LRP1B: variants seen among roughly 807,000 people sequenced by gnomAD.
The protein encoded by LRP1B is LDL receptor related protein 1B.
Under a neutral mutation model 556.6 loss-of-function variants are expected in LRP1B, and 217 were observed. The ratio of observed to expected loss-of-function variants is 0.39; its 90% CI spans 0.35 to 0.44. The LOEUF (loss-of-function observed/expected upper bound fraction) is 0.44, where lower values mean the gene tolerates loss of function less well. LRP1B is among the 20% of genes least tolerant of loss of function. The pLI is 1.00. For missense variants in LRP1B, 5,053 were observed against 5,620.8 expected (o/e 0.90, Z 3.23); for synonymous variants, 2,047 against 1,865.8 (o/e 1.10, Z -2.50).
At chr2:141,958,598 T>A (rs1053063559) in intron 1 of LRP1B, among the ~76,000 whole-genome samples, 2 of 152,036 alleles carry the variant, frequency 1.3e-5, no homozygotes, top group Non-Finnish European at 2.9e-5. Flanking sequence ...AAGAATATAA[T>A]TGTTCTGTGA....
At chr2:142,016,922 A>G (rs371431428) in intron 1 of LRP1B, among the ~76,000 whole-genome samples, 3 of 71,340 alleles carry the variant, frequency 4.2e-5, no homozygotes, top group Non-Finnish European at 7.9e-5. Flanking sequence ...ATATATGTAT[A>G]TGTATGTATA....
At chr2:140,399,220 GGATATTT>G (rs1684390553) in intron 66 of LRP1B, among the ~76,000 whole-genome samples, 1 of 136,184 alleles carries the variant, frequency 7.3e-6, no homozygotes, top group South Asian at 2.2e-4. Context: ...TAGATTTTCA[GGATATTT>G]GATATTTTTA....
At chr2:141,168,204 G>A (rs950328865) in intron 7 of LRP1B, among the ~76,000 whole-genome samples, 1 of 151,994 alleles carries the variant, frequency 6.6e-6, no homozygotes, top group Non-Finnish European at 1.5e-5. Context: ...GCTAGTCTAT[G>A]TTTCAGCAAT....
chr2:141,303,915 C>G (rs1485446733), intron 3 of LRP1B, among the ~76,000 whole-genome samples: 1 of 152,088 alleles, frequency 6.6e-6, no homozygotes, highest in African/African-American at 2.4e-5. Context: ...ACATGCTTAC[C>G]AACATCTTTT....
At chr2:140,796,730 T>C (rs1357583953) in intron 32 of LRP1B, among the ~76,000 whole-genome samples, 1 of 152,110 alleles carries the variant, frequency 6.6e-6, no homozygotes, top group South Asian at 2.1e-4. Context: ...TTGAAAAGTA[T>C]GATTTGAAAG....
chr2:141,027,237 T>C (rs1305762475), intron 11 of LRP1B, among the ~76,000 whole-genome samples: 1 of 152,120 alleles, frequency 6.6e-6, no homozygotes, highest in Non-Finnish European at 1.5e-5. Flanking sequence ...TTTTCAGATT[T>C]CTCCACTTTG....
intron 41 of LRP1B, among the ~76,000 whole-genome samples, chr2:140,632,408 A>G (rs1683919177): frequency 6.6e-6 from 1 of 152,166 alleles, no homozygotes; most frequent in African/African-American, 2.4e-5. Context: ...AAACTGTACT[A>G]CTCATGAAGT....
intron 3 of LRP1B, among the ~76,000 whole-genome samples, chr2:141,418,288 T>C (rs1679994530): frequency 6.6e-6 from 1 of 152,174 alleles, no homozygotes; most frequent in Admixed American, 6.5e-5. Context: ...GTGCTTTTGG[T>C]ATTATATTCA....
At chr2:140,635,144 C>T (rs1239788405) in intron 41 of LRP1B, among the ~76,000 whole-genome samples, 1 of 151,882 alleles carries the variant, frequency 6.6e-6, no homozygotes, top group Non-Finnish European at 1.5e-5. Context: ...ATAGTGTTAT[C>T]ATTTCCTATT....
intron 66 of LRP1B, among the ~76,000 whole-genome samples, chr2:140,391,519 T>A (rs1173796948): frequency 1.3e-5 from 2 of 152,190 alleles, no homozygotes; most frequent in African/African-American, 4.8e-5. Context: ...TACTTCATTT[T>A]GTTTTAATTA....
intron 3 of LRP1B, among the ~76,000 whole-genome samples, chr2:141,425,069 G>A (rs372099535): frequency 2.1e-4 from 30 of 140,156 alleles, no homozygotes; most frequent in South Asian, 1.1e-3. Context: ...TCCCTCCCCC[G>A]TCCCCCAACC....
intron 2 of LRP1B, among the ~76,000 whole-genome samples, chr2:141,564,182 C>G (rs1167765730): frequency 1.3e-5 from 2 of 151,986 alleles, no homozygotes; most frequent in East Asian, 3.9e-4. Context: ...GAAAAAGATT[C>G]TAGTACATAA....
At chr2:141,159,157 T>C (rs183679358) in intron 7 of LRP1B, among the ~76,000 whole-genome samples, 1 of 152,306 alleles carries the variant, frequency 6.6e-6, no homozygotes, top group African/African-American at 2.4e-5. Context: ...CACATTTAGA[T>C]TAGTCGTTAT....
At chr2:140,979,913 T>C (rs1696717729) in intron 18 of LRP1B, among the ~76,000 whole-genome samples, 1 of 152,068 alleles carries the variant, frequency 6.6e-6, no homozygotes, top group Non-Finnish European at 1.5e-5. Flanking sequence ...GATTTGTTAT[T>C]AAAAAAATTT....
intron 1 of LRP1B, among the ~76,000 whole-genome samples, chr2:141,993,843 A>C (rs757178361): frequency 3.7e-4 from 56 of 152,262 alleles, no homozygotes; most frequent in Non-Finnish European, 5.7e-4. Flanking sequence ...ATTGCCTTTC[A>C]TAATTTTGAG....
At chr2:142,067,250 TC>T (rs1270507587) in intron 1 of LRP1B, among the ~76,000 whole-genome samples, 1 of 151,500 alleles carries the variant, frequency 6.6e-6, no homozygotes, top group African/African-American at 2.4e-5. Context: ...AAGTCCTTCT[TC>T]CTATGTAAGG....
At chr2:141,727,166 T>G (rs1190294197) in intron 2 of LRP1B, among the ~76,000 whole-genome samples, 2 of 152,106 alleles carry the variant, frequency 1.3e-5, no homozygotes. Context: ...ATCTTAGCTA[T>G]TCTTTAGAGA....
intron 7 of LRP1B, among the ~76,000 whole-genome samples, chr2:141,115,822 A>C (rs1354997027): frequency 2.0e-5 from 3 of 152,036 alleles, no homozygotes; most frequent in Non-Finnish European, 4.4e-5. Context: ...TGTGGTTGGA[A>C]GGCTTATGAG....
intron 84 of LRP1B, among the ~76,000 whole-genome samples, chr2:140,290,650 T>G (rs1009485496): frequency 1.1e-4 from 17 of 152,268 alleles, no homozygotes; most frequent in African/African-American, 4.1e-4. Context: ...TCTCTTTTCC[T>G]GATCATTTTA....
Sources: gnomAD v4.1 joint callset for allele counts (sites outside exome capture counted in the v4.1 genomes callset) on GRCh38, gnomAD v4.1.1 for gene constraint, MANE v1.5 for transcripts, NCBI Gene and HGNC (gene_info 2026-07-23, HGNC 2026-07-21) for gene names.